Variants in TRIM66 observed in about 807,000 individuals in gnomAD.
The protein encoded by TRIM66 is tripartite motif-containing protein 66.
Under a neutral mutation model 148.2 loss-of-function variants are expected in TRIM66, and 99 were observed. The observed-to-expected ratio is 0.67, with a 90% CI of 0.57 to 0.79. The LOEUF (loss-of-function observed/expected upper bound fraction) is 0.79. Ranked by LOEUF, TRIM66 falls within the 30% of genes least tolerant of loss-of-function variation. TRIM66 has a pLI of 0.00. For synonymous variants in TRIM66, 616 were observed against 635.9 expected, an observed-to-expected ratio of 0.97 and a Z score of 0.47; for missense variants, 1,666 against 1,697.9, an observed-to-expected ratio of 0.98 and a Z score of 0.33.
Position 8,614,911 on chromosome 11 carries a change from T to C in TRIM66, c.*3033A>G, listed in dbSNP as rs2033628696. ...CTAACCATGTTCTGTGGAAGAGTGC[T>C]CTGCAAGTTCATCCTGAACCAATTT... On this transcript the variant is annotated 3_prime_UTR_variant, in exon 25 of 25. Transcript: ENST00000646038. 1 of 152,104 alleles carries C rather than the reference T, an allele frequency of 6.6e-6. No homozygotes were observed. 9.4% of individuals were successfully genotyped at this position (152,104 alleles called of 1,614,324 possible). A position where few individuals can be genotyped will look rare whatever the true frequency, so the allele number is the denominator to read the frequency against.
In TRIM66 at chr11:8,619,555, G is replaced by A. The variant is rs137992067; in HGVS notation, c.3748-20C>T. 1.4e-4 allele frequency: 209 copies of A among 1,515,920 alleles called. 1 individual carries two copies. The Middle Eastern group carries it at 2.8e-3, about 20-fold the overall frequency. 93.9% of individuals were successfully genotyped at this position (1,515,920 alleles called of 1,614,324 possible). ...CCGGGCCTTGGGGGAGGAGACATGA[G>A]GAGAAGGAGGCAAAGGGAGTGAGAG... On this transcript the variant is annotated intron_variant, in intron 22 of 24. Coordinates refer to ENST00000646038, the MANE Select transcript of TRIM66 (RefSeq NM_001388022.1).
chr11:8,657,053 C>T (rs556619288), intron 6 of TRIM66, among the ~76,000 whole-genome samples: 1 of 152,294 alleles, frequency 6.6e-6, no homozygotes, highest in East Asian at 1.9e-4. Context: ...GAGCCTAAGA[C>T]TTAGTGAGGC....
At chr11:8,670,338 C>T (rs1378478330) in intron 6 of TRIM66, among the ~76,000 whole-genome samples, 2 of 152,096 alleles carry the variant, frequency 1.3e-5, no homozygotes, top group Non-Finnish European at 2.9e-5. Context: ...GACCCTCACT[C>T]TCCTTCCACC....
chr11:8,647,721 A>G (rs1253171910), intron 10 of TRIM66, among the ~76,000 whole-genome samples: 2 of 152,158 alleles, frequency 1.3e-5, no homozygotes, highest in Non-Finnish European at 2.9e-5. Flanking sequence ...CATAAGGCAT[A>G]TTCTTTGACC....
At chr11:8,646,588 G>C in intron 10 of TRIM66, 27 bp from the exon 11 acceptor site, 3 of 1,524,734 alleles carry the variant, frequency 2.0e-6, no homozygotes, top group Non-Finnish European at 1.8e-6. Context: ...ACAAACCATG[G>C]TAAGCTTTCC....
At position 8,617,891 on chromosome 11, in the gene TRIM66, T is replaced by C. The variant is rs2033820743; in HGVS notation, c.*53A>G. On this transcript the variant is annotated 3_prime_UTR_variant, in exon 25 of 25. Transcript: ENST00000646038. The stretch of plus-strand genomic sequence containing the variant: ...GGATAAGCTGCAAGATGGGGAGGAA[T>C]GGTCGACAGTATGGGACAACAGCTG... 4 of 1,511,564 alleles carry C rather than the reference T, an allele frequency of 2.6e-6. No homozygotes were observed. The highest frequency in any genetic ancestry group is 1.4e-5 in the African/African-American group (1 of 72,214). 93.6% of individuals were successfully genotyped at this position (1,511,564 alleles called of 1,614,324 possible).
At chr11:8,668,085 A>AT (rs951937776) in intron 6 of TRIM66, among the ~76,000 whole-genome samples, 1 of 151,888 alleles carries the variant, frequency 6.6e-6, no homozygotes, top group African/African-American at 2.4e-5. Context: ...ATTTTCTGGG[A>AT]TTTTTTTGGT....
upstream of TRIM66, chr11:8,682,937 C>T: frequency 7.4e-7 from 1 of 1,357,642 alleles, no homozygotes; most frequent in South Asian, 1.4e-5. Flanking sequence ...GCATGGCCGC[C>T]TGCGGGGCAG....
intron 20 of TRIM66, among the ~76,000 whole-genome samples, 192 bp downstream of exon 20, chr11:8,620,840 C>A (rs1371318406): frequency 6.6e-6 from 1 of 152,244 alleles, no homozygotes; most frequent in African/African-American, 2.4e-5. Context: ...ATGAAGTCAA[C>A]CAAATGTCAA....
At chr11:8,646,634 T>TA (rs2133185854) in intron 10 of TRIM66, 73 bp from the exon 11 acceptor site, 4 of 1,253,336 alleles carry the variant, frequency 3.2e-6, no homozygotes, top group Non-Finnish European at 4.6e-6. Context: ...ACAGCAAACA[T>TA]AAGAACCAAC....
chr11:8,619,659 T>A, intron 22 of TRIM66, 124 bp from the exon 23 acceptor site: 1 of 958,318 alleles, frequency 1.0e-6, no homozygotes, highest in Non-Finnish European at 1.5e-6. Context: ...GGAAGAGGAA[T>A]GATGAGGAGC....
At chr11:8,673,576 T>G (rs761884010) in intron 4 of TRIM66, among the ~76,000 whole-genome samples, 6 of 152,352 alleles carry the variant, frequency 3.9e-5, no homozygotes, top group Middle Eastern at 3.4e-3. Flanking sequence ...GTGGGAAAAC[T>G]GAGCCATCAT....
intron 17 of TRIM66, 136 bp downstream of exon 17, chr11:8,624,223 G>T (rs1592021617): frequency 1.0e-6 from 1 of 983,516 alleles, no homozygotes; most frequent in Non-Finnish European, 1.5e-6. Flanking sequence ...CCGGAGGAGA[G>T]AAGTAAATTC....
Position 8,624,738 on chromosome 11 carries a change from G to A in TRIM66, c.2801C>T (p.Pro934Leu). The A allele has an allele frequency of 6.5e-7, 1 of 1,536,364 alleles. No homozygotes were observed. The highest frequency in any genetic ancestry group is 8.8e-7 in the Non-Finnish European group (1 of 1,137,534). Residue 934 changes from proline to leucine, a missense_variant, in exon 16 of 25, where the codon CCC becomes CTC. Physicochemically the swap from Pro to Leu is moderately conservative, Grantham distance 98. Around this residue, in one of 3 missense-constraint regions of TRIM66, gnomAD observed 1,431 missense variants for 1,412.4 expected, o/e 1.01. Coordinates refer to ENST00000646038, the MANE Select transcript of TRIM66 (RefSeq NM_001388022.1). ...GSLCPRDGAD[P>L]SLENALCKME... ...CTTACACAGAGCATTCTCCAGGGAGGGATCAGCCCCATCTCTGGGACACAG... is the reference window on the plus strand; with the variant it reads ...CTTACACAGAGCATTCTCCAGGGAGAGATCAGCCCCATCTCTGGGACACAG...
At chr11:8,623,658 G>A (rs945153107) in intron 17 of TRIM66, among the ~76,000 whole-genome samples, 19 of 152,156 alleles carry the variant, frequency 1.2e-4, no homozygotes, top group Admixed American at 9.8e-4. Context: ...TCAGGAAGTC[G>A]CTTCCTGACT....
At chr11:8,667,242 A>G (rs1360296149) in intron 6 of TRIM66, among the ~76,000 whole-genome samples, 2 of 152,196 alleles carry the variant, frequency 1.3e-5, no homozygotes, top group East Asian at 3.8e-4. Context: ...TAAAACTATA[A>G]AACTCCTAGA....
At position 8,671,785 on chromosome 11, in the gene TRIM66, C is replaced by A; in HGVS notation, c.340+1G>T. ...TGAACTTGTGGTGCCTTTGTACTTA[C>A]CATCTGCAACAGTCTCATGAGCCTT... On this transcript the variant is annotated splice_donor_variant, in intron 6 of 24. Coordinates refer to ENST00000646038, the MANE Select transcript of TRIM66 (RefSeq NM_001388022.1). LOFTEE classifies it high-confidence loss of function. The A allele has an allele frequency of 7.8e-7, 1 of 1,285,286 alleles. No homozygotes were observed. Among genetic ancestry groups the A allele is most frequent in the African/African-American group, 1.5e-5 (1 of 68,120 alleles). The allele number at this position is 1,285,286 out of a possible 1,614,324, so 79.6% of individuals were successfully genotyped here. A position where few individuals can be genotyped will look rare whatever the true frequency, so the allele number is the denominator to read the frequency against.
intron 21 of TRIM66, 35 bp downstream of exon 21, chr11:8,620,410 AG>A: frequency 6.5e-7 from 1 of 1,550,232 alleles, no homozygotes; most frequent in Non-Finnish European, 8.7e-7. Context: ...GGGCTGCCAA[AG>A]GCAGGGAACC....
chr11:8,647,412 C>T (rs2036961504), intron 10 of TRIM66, among the ~76,000 whole-genome samples: 1 of 148,984 alleles, frequency 6.7e-6, no homozygotes, highest in Non-Finnish European at 1.5e-5. Flanking sequence ...TCAGTCTCCT[C>T]ATCAGTAAAA....
Sources: gnomAD v4.1 joint callset for allele counts (sites outside exome capture counted in the v4.1 genomes callset) on GRCh38, gnomAD v4.1.1 for gene constraint, gnomAD v4.1.1 regional missense constraint, MANE v1.5 for transcripts, NCBI Gene and HGNC (gene_info 2026-07-23, HGNC 2026-07-21) for gene names.